The following CTNND2 variants were observed in gnomAD, a reference collection of about 807,000 sequenced individuals.
CTNND2 encodes the protein catenin delta 2, also known as catenin delta-2.
In CTNND2, 22 loss-of-function variants were observed where a neutral mutation model predicts 144.4. The observed-to-expected ratio is 0.15, with a 90% confidence interval of 0.11 to 0.22. The LOEUF (loss-of-function observed/expected upper bound fraction) is 0.22, where lower values mean the gene tolerates loss of function less well. Among genes scored for constraint, CTNND2 ranks in the 10% least tolerant of loss-of-function variants. The probability of loss-of-function intolerance (pLI) is 1.00; values close to 1 mark genes in which losing one functional copy is unlikely to be tolerated. For synonymous variants in CTNND2, 751 were observed against 695.6 expected (o/e 1.08, Z -1.25); for missense variants, 1,353 against 1,618.8 (o/e 0.84, Z 2.82).
At chr5:11,423,936 A>C (rs145162695) in intron 3 of CTNND2, among the ~76,000 whole-genome samples, 1 of 152,210 alleles carries the variant, frequency 6.6e-6, no homozygotes, top group African/African-American at 2.4e-5. Context: ...GTAAAAAATA[A>C]GTTTCAATCT....
intron 3 of CTNND2, among the ~76,000 whole-genome samples, chr5:11,493,616 T>C (rs1769658986): frequency 6.6e-6 from 1 of 152,214 alleles, no homozygotes. Flanking sequence ...CTAGAAGTCA[T>C]GTATACTGGG....
chr5:11,676,043 T>G (rs1417929322), intron 2 of CTNND2, among the ~76,000 whole-genome samples: 1 of 151,916 alleles, frequency 6.6e-6, no homozygotes. Context: ...GTATCCTGAC[T>G]GGGAGACACC....
intron 1 of CTNND2, among the ~76,000 whole-genome samples, chr5:11,880,198 G>A (rs1003866156): frequency 2.0e-5 from 3 of 152,140 alleles, no homozygotes; most frequent in Non-Finnish European, 4.4e-5. Flanking sequence ...TTATGCTCAT[G>A]TGTAAGAGGG....
chr5:11,832,199 G>A (rs981254205), intron 1 of CTNND2, among the ~76,000 whole-genome samples: 11 of 152,080 alleles, frequency 7.2e-5, no homozygotes, highest in Admixed American at 5.2e-4. Context: ...CAGAAGAATG[G>A]CATGAACCCG....
intron 9 of CTNND2, among the ~76,000 whole-genome samples, chr5:11,266,817 C>T (rs1366485009): frequency 6.6e-6 from 1 of 152,196 alleles, no homozygotes; most frequent in East Asian, 1.9e-4. Flanking sequence ...AGTGGAAACT[C>T]TTCCAGGGAG....
chr5:11,523,540 G>T (rs1772946812), intron 3 of CTNND2, among the ~76,000 whole-genome samples: 2 of 152,136 alleles, frequency 1.3e-5, no homozygotes, highest in Admixed American at 6.5e-5. Flanking sequence ...ATGTGCACAG[G>T]TTTAGTGGTT....
chr5:11,276,551 G>A (rs1746549158), intron 9 of CTNND2, among the ~76,000 whole-genome samples: 2 of 152,106 alleles, frequency 1.3e-5, no homozygotes, highest in African/African-American at 4.8e-5. Flanking sequence ...TTCCCATCCA[G>A]TCTCACGACT....
At chr5:11,420,458 G>A (rs1443157819) in intron 3 of CTNND2, among the ~76,000 whole-genome samples, 1 of 152,166 alleles carries the variant, frequency 6.6e-6, no homozygotes, top group African/African-American at 2.4e-5. Flanking sequence ...AGTTTTGCAT[G>A]CAGCCCTCCC....
intron 12 of CTNND2, among the ~76,000 whole-genome samples, chr5:11,145,762 C>G (rs540626969): frequency 6.6e-6 from 1 of 152,122 alleles, no homozygotes; most frequent in Non-Finnish European, 1.5e-5. Flanking sequence ...ACGCAGTCTA[C>G]GAAAATCAAG....
chr5:11,774,335 C>T (rs942180345), intron 1 of CTNND2, among the ~76,000 whole-genome samples: 2 of 138,708 alleles, frequency 1.4e-5, no homozygotes, highest in African/African-American at 5.4e-5. Context: ...ATATGTGCCA[C>T]ATTTTCTTAA....
intron 18 of CTNND2, among the ~76,000 whole-genome samples, chr5:11,012,419 G>A (rs1196693516): frequency 1.3e-5 from 2 of 152,226 alleles, no homozygotes; most frequent in African/African-American, 4.8e-5. Flanking sequence ...CAGAGAACAT[G>A]CTGCCAGGTC....
At chr5:11,404,031 AG>A (rs1292059738) in intron 5 of CTNND2, among the ~76,000 whole-genome samples, 3 of 152,106 alleles carry the variant, frequency 2.0e-5, no homozygotes, top group Admixed American at 1.3e-4. Flanking sequence ...GACTCCAAAG[AG>A]CTTTATTTTA....
chr5:11,143,133 G>T (rs1405614944), intron 12 of CTNND2, among the ~76,000 whole-genome samples: 2 of 152,124 alleles, frequency 1.3e-5, no homozygotes, highest in African/African-American at 4.8e-5. Flanking sequence ...TATGTGTAAA[G>T]CACCTAATGT....
intron 11 of CTNND2, among the ~76,000 whole-genome samples, chr5:11,176,691 C>T (rs1760511989): frequency 6.6e-6 from 1 of 152,118 alleles, no homozygotes; most frequent in Non-Finnish European, 1.5e-5. Flanking sequence ...ATAATGGGAA[C>T]TCAAGATCCA....
chr5:11,098,842 G>C, intron 14 of CTNND2, 94 bp from the exon 15 acceptor site: 1 of 1,171,886 alleles, frequency 8.5e-7, no homozygotes, highest in Non-Finnish European at 1.2e-6. Context: ...AACAAAAGCA[G>C]AGTGCTATCA....
chr5:11,630,950 A>G (rs1457810216), intron 2 of CTNND2, among the ~76,000 whole-genome samples: 2 of 147,458 alleles, frequency 1.4e-5, no homozygotes, highest in Admixed American at 1.3e-4. Flanking sequence ...GCGAAACTCC[A>G]TCTCAAAAAA....
chr5:11,085,593 A>G (rs541788636), intron 15 of CTNND2, among the ~76,000 whole-genome samples: 18 of 152,232 alleles, frequency 1.2e-4, no homozygotes, highest in Admixed American at 2.6e-4. Context: ...ACAGAGAAGC[A>G]GCAAACATGT....
At chr5:11,264,219 T>C (rs1357774393) in intron 9 of CTNND2, among the ~76,000 whole-genome samples, 1 of 152,218 alleles carries the variant, frequency 6.6e-6, no homozygotes, top group African/African-American at 2.4e-5. Flanking sequence ...AATTGTGTCC[T>C]TCAAAAAGCT....
intron 2 of CTNND2, among the ~76,000 whole-genome samples, chr5:11,685,037 C>A (rs962240101): frequency 6.6e-6 from 1 of 152,150 alleles, no homozygotes; most frequent in Admixed American, 6.5e-5. Flanking sequence ...CATAGTGCAA[C>A]CTAATAAAAG....
Sources: allele counts gnomAD v4.1 joint callset (sites outside exome capture counted in the v4.1 genomes callset), GRCh38; gene constraint gnomAD v4.1.1; transcripts MANE v1.5; gene names NCBI Gene and HGNC (gene_info 2026-07-23, HGNC 2026-07-21).